PIEZO2: variants seen among roughly 807,000 people sequenced by gnomAD.
PIEZO2 encodes the protein piezo type mechanosensitive ion channel component 2, also known as piezo-type mechanosensitive ion channel component 2.
Under a neutral mutation model 337.3 loss-of-function variants are expected in PIEZO2, and 172 were observed. That is an observed-to-expected ratio of 0.51 (90% CI 0.45 to 0.58). The LOEUF (loss-of-function observed/expected upper bound fraction) is 0.58, where lower values mean the gene tolerates loss of function less well. PIEZO2 is among the 20% of genes least tolerant of loss of function. PIEZO2 has a pLI of 0.00. For missense variants in PIEZO2, 3,028 were observed against 3,391.3 expected (o/e 0.89, Z 2.66); for synonymous variants, 1,251 against 1,228.5 (o/e 1.02, Z -0.38).
intron 3 of PIEZO2, among the ~76,000 whole-genome samples, chr18:10,936,588 T>C (rs141205843): frequency 2.2e-4 from 34 of 152,240 alleles, no homozygotes; most frequent in African/African-American, 7.7e-4. Context: ...GATGGGGGGA[T>C]GTTAAGGGCC....
rs2040257553 is a variant in PIEZO2, at chr18:11,128,739, A to G, written c.64+19786T>C. Among the ~76,000 whole-genome samples the G allele has an allele frequency of 6.6e-6, 1 of 152,142 alleles. No homozygotes were observed. ...TGCTTCTAGACCTATAAATAGACTA[A>G]AGTCCTGGCAGGTCCCTAAAGATGA... On this transcript the variant is annotated intron_variant, in intron 1 of 55. Coordinates refer to ENST00000674853, the MANE Select transcript of PIEZO2 (RefSeq NM_001378183.1). This position sits in a 1 kb window ranked among gnomAD's most constrained non-coding sequence, Gnocchi z 4.1.
chr18:10,881,902 A>G (rs1007730882), intron 4 of PIEZO2, among the ~76,000 whole-genome samples: 13 of 151,968 alleles, frequency 8.6e-5, no homozygotes, highest in African/African-American at 3.1e-4. Flanking sequence ...GCCATCTTCA[A>G]TCTCACTTCT....
At chr18:10,905,075 T>A (rs2043141835) in intron 4 of PIEZO2, among the ~76,000 whole-genome samples, 1 of 152,238 alleles carries the variant, frequency 6.6e-6, no homozygotes, top group Non-Finnish European at 1.5e-5. Flanking sequence ...TTCCCAGTCA[T>A]TTCCCCGATT....
At chr18:10,719,067 A>C (rs2036144900) in intron 36 of PIEZO2, among the ~76,000 whole-genome samples, 1 of 152,126 alleles carries the variant, frequency 6.6e-6, no homozygotes, top group Non-Finnish European at 1.5e-5. Flanking sequence ...GTCATATCTT[A>C]AAATGACATT....
chr18:10,829,333 C>G (rs1409919939), intron 7 of PIEZO2, among the ~76,000 whole-genome samples: 1 of 151,914 alleles, frequency 6.6e-6, no homozygotes, highest in Non-Finnish European at 1.5e-5. Flanking sequence ...ATGATAGACC[C>G]ACAGATAGTA....
chr18:10,989,687 T>C (rs1407340003), intron 2 of PIEZO2, among the ~76,000 whole-genome samples: 1 of 152,086 alleles, frequency 6.6e-6, no homozygotes, highest in African/African-American at 2.4e-5. Context: ...GTGTAAAACA[T>C]CTAAGTCAGC....
At chr18:11,037,914 T>G (rs1218942102) in intron 2 of PIEZO2, among the ~76,000 whole-genome samples, 1 of 152,350 alleles carries the variant, frequency 6.6e-6, no homozygotes, top group East Asian at 1.9e-4. Context: ...CAAACGAATT[T>G]TCCTTTCCAA....
chr18:10,872,375 G>A lies in PIEZO2; in HGVS notation c.330-960C>T, dbSNP rs2042160829. 6.6e-6 allele frequency among the ~76,000 whole-genome samples: 1 copy of A among 152,174 alleles called. No individual in the cohort carries two copies. Among genetic ancestry groups the A allele is most frequent in the Non-Finnish European group, 1.5e-5 (1 of 68,030 alleles). On this transcript the variant is annotated intron_variant, in intron 4 of 55. Coordinates refer to ENST00000674853, the MANE Select transcript of PIEZO2 (RefSeq NM_001378183.1). The surrounding 1 kb of genome is among the most constrained non-coding windows in gnomAD (Gnocchi z 4.3). ...TGGAAAAGGAGGAGAGATCTGTCTG[G>A]GAAGGTAATACAAACGCCATCTGTG...
At chr18:11,022,323 T>C (rs1277407491) in intron 2 of PIEZO2, among the ~76,000 whole-genome samples, 1 of 152,162 alleles carries the variant, frequency 6.6e-6, no homozygotes, top group African/African-American at 2.4e-5. Flanking sequence ...CAAAATAATT[T>C]ACACTTGGAG....
chr18:10,959,098 A>T (rs760173463), intron 3 of PIEZO2, among the ~76,000 whole-genome samples: 1 of 152,204 alleles, frequency 6.6e-6, no homozygotes, highest in Non-Finnish European at 1.5e-5. Context: ...TTAATGATTC[A>T]GTCTTACAAC....
rs71362185 is a variant in PIEZO2, at chr18:10,802,972, CA to C, written c.1200+902del. 3.3e-3 allele frequency among the ~76,000 whole-genome samples: 416 copies of C among 127,472 alleles called. 2 individuals carry two copies. Among genetic ancestry groups the C allele is most frequent in the African/African-American group, 7.4e-3 (246 of 33,224 alleles). The allele number at this position is 127,472 out of a possible 152,430, so 83.6% of individuals were successfully genotyped here. A position where few individuals can be genotyped will look rare whatever the true frequency, so the allele number is the denominator to read the frequency against. ...GGGTGACAGAGCGAGACTCTGTTGC[CA>C]AAAAAAAAAAAAAAAGGTATTTTAA... On this transcript the variant is annotated intron_variant, in intron 9 of 55. Coordinates refer to ENST00000674853, the MANE Select transcript of PIEZO2 (RefSeq NM_001378183.1).
At chr18:10,860,724 T>G (rs2041849754) in intron 5 of PIEZO2, among the ~76,000 whole-genome samples, 1 of 152,226 alleles carries the variant, frequency 6.6e-6, no homozygotes, top group South Asian at 2.1e-4. Context: ...CACTTGTGAC[T>G]TTCATAATAA....
intron 2 of PIEZO2, among the ~76,000 whole-genome samples, chr18:10,998,393 T>C (rs1483939389): frequency 1.3e-5 from 2 of 151,844 alleles, no homozygotes; most frequent in African/African-American, 4.8e-5. Context: ...TTAATTACAG[T>C]CTTGCTCCAG....
intron 2 of PIEZO2, among the ~76,000 whole-genome samples, chr18:11,044,901 C>T (rs2037247154): frequency 6.6e-6 from 1 of 152,134 alleles, no homozygotes; most frequent in African/African-American, 2.4e-5. Flanking sequence ...GTAATCCCAG[C>T]ACTTTGGGAG....
At position 10,726,505 on chromosome 18, in the gene PIEZO2, G is replaced by A; in HGVS notation, c.5029+4902C>T. On this transcript the variant is annotated intron_variant, in intron 36 of 55. Coordinates refer to ENST00000674853, the MANE Select transcript of PIEZO2 (RefSeq NM_001378183.1). The surrounding 1 kb of genome is among the most constrained non-coding windows in gnomAD (Gnocchi z 5.9). ...TGCACAGCGTGCTGCTCCGCAAGCA[G>A]CCGTTCCTGTGGCGCGCTGCGCTGC... The A allele has an allele frequency of 6.7e-7, 1 of 1,493,242 alleles. No individual in the cohort carries two copies. The highest frequency in any genetic ancestry group is 8.9e-7 in the Non-Finnish European group (1 of 1,126,964). The allele number at this position is 1,493,242 out of a possible 1,614,324, so 92.5% of individuals were successfully genotyped here. A position where few individuals can be genotyped will look rare whatever the true frequency, so the allele number is the denominator to read the frequency against.
At chr18:10,918,998 G>A (rs1262678732) in intron 3 of PIEZO2, among the ~76,000 whole-genome samples, 1 of 151,804 alleles carries the variant, frequency 6.6e-6, no homozygotes, top group Non-Finnish European at 1.5e-5. Flanking sequence ...TTTGATTAAC[G>A]CTACCAAAAT....
In PIEZO2 at chr18:10,671,189, C is replaced by A; in HGVS notation, c.*338G>T. On this transcript the variant is annotated 3_prime_UTR_variant, in exon 56 of 56. Transcript: ENST00000674853. ...TGCACGGGCCCCACAGAGGAAAACACAGGCATCTTTCTTTCTGACTCCTCT... is the reference window on the plus strand; with the variant it reads ...TGCACGGGCCCCACAGAGGAAAACAAAGGCATCTTTCTTTCTGACTCCTCT... 1 of 218,124 alleles carries A rather than the reference C, an allele frequency of 4.6e-6. No homozygotes were observed. Among genetic ancestry groups the A allele is most frequent in the Non-Finnish European group, 9.1e-6 (1 of 109,344 alleles). The allele number at this position is 218,124 out of a possible 1,614,324, so 13.5% of individuals were successfully genotyped here.
At chr18:11,054,330 T>G (rs767898139) in intron 2 of PIEZO2, among the ~76,000 whole-genome samples, 2 of 152,240 alleles carry the variant, frequency 1.3e-5, no homozygotes, top group African/African-American at 4.8e-5. Context: ...GCTTATGATA[T>G]CCTAAGCTTC....
Position 10,696,382 on chromosome 18 carries a change from C to T in PIEZO2, c.6975+10G>A, listed in dbSNP as rs758363117. ...TCAGGGCGGGTGCTGTGGCCTTTGCCCCAACCTACCCCAAAGGCCCAAAAG... is the reference window on the plus strand; with the variant it reads ...TCAGGGCGGGTGCTGTGGCCTTTGCTCCAACCTACCCCAAAGGCCCAAAAG... On this transcript the variant is annotated intron_variant, in intron 46 of 55. Coordinates refer to ENST00000674853, the MANE Select transcript of PIEZO2 (RefSeq NM_001378183.1). 3 of 1,614,028 alleles carry T rather than the reference C, an allele frequency of 1.9e-6. No individual in the cohort carries two copies. Among genetic ancestry groups the T allele is most frequent in the Non-Finnish European group, 2.5e-6 (3 of 1,180,026 alleles).
Sources: allele counts gnomAD v4.1 joint callset (sites outside exome capture counted in the v4.1 genomes callset), GRCh38; gene constraint gnomAD v4.1.1; non-coding constraint Gnocchi (gnomAD v3.1); transcripts MANE v1.5; gene names NCBI Gene and HGNC (gene_info 2026-07-23, HGNC 2026-07-21).